TOR2A: variants seen among roughly 807,000 people sequenced by gnomAD.
TOR2A encodes torsin family 2 member A, also known as prosalusin.
TOR2A carries 24 observed loss-of-function variants against 28.6 expected under a neutral mutation model. The ratio of observed to expected loss-of-function variants is 0.84; its 90% CI spans 0.61 to 1.18. TOR2A has a LOEUF of 1.18. TOR2A is among the 50% of genes most tolerant of loss of function. TOR2A has a pLI of 0.00. For missense variants in TOR2A, 426 were observed against 448.1 expected (o/e 0.95, Z 0.45); for synonymous variants, 203 against 203.1 (o/e 1.00, Z 0.00).
In TOR2A at chr9:127,732,343, C is replaced by A. The variant is rs1844473923; in HGVS notation, c.722-65G>T. ...CAAGAGGGGAGAAGCCGGCCCCAAACCCCCAGGGGCAGGAGGAAAAATGCT... is the reference window on the plus strand; with the variant it reads ...CAAGAGGGGAGAAGCCGGCCCCAAAACCCCAGGGGCAGGAGGAAAAATGCT... On this transcript the variant is annotated intron_variant, in intron 4 of 4. Coordinates refer to ENST00000373284, the MANE Select transcript of TOR2A (RefSeq NM_001085347.3). 6 of 1,511,268 alleles carry A rather than the reference C, an allele frequency of 4.0e-6. No individual in the cohort carries two copies. The African/African-American group carries it at 8.4e-5, about 21-fold the overall frequency. 93.6% of individuals were successfully genotyped at this position (1,511,268 alleles called of 1,614,324 possible).
intron 1 of TOR2A, 97 bp from the exon 2 acceptor site, chr9:127,734,661 T>TA (rs1343269341): frequency 1.5e-6 from 2 of 1,333,396 alleles, no homozygotes; most frequent in Non-Finnish European, 1.9e-6. Flanking sequence ...CCTGTGTCCT[T>TA]ACGTTTGTCC....
At chr9:127,734,222 C>T in intron 2 of TOR2A, 77 bp downstream of exon 2, 2 of 1,489,108 alleles carry the variant, frequency 1.3e-6, no homozygotes, top group South Asian at 2.7e-5. Flanking sequence ...AGGTGACTCC[C>T]CTGTCTGGGC....
In TOR2A at chr9:127,734,574, CAGG is replaced by C; in HGVS notation, c.152-13_152-11del. 4.7e-6 allele frequency: 7 copies of C among 1,497,146 alleles called. No homozygotes were observed. The highest frequency in any genetic ancestry group is 6.2e-6 in the Non-Finnish European group (7 of 1,124,942). 92.7% of individuals were successfully genotyped at this position (1,497,146 alleles called of 1,614,324 possible). On this transcript the variant is annotated splice_polypyrimidine_tract_variant and intron_variant, in intron 1 of 4. Coordinates refer to ENST00000373284, the MANE Select transcript of TOR2A (RefSeq NM_001085347.3). ...AGGTCACACTCCAGACCTAGGGCCA[CAGG>C]AGGATGGTGAGGACACATCCCACCG...
intron 1 of TOR2A, 160 bp from the exon 2 acceptor site, chr9:127,734,724 C>G: frequency 1.1e-6 from 1 of 888,382 alleles, no homozygotes; most frequent in South Asian, 2.9e-5. Context: ...CGGAAAAGAG[C>G]CACCTTCGGG....
At chr9:127,734,797 C>A (rs1337248690) in intron 1 of TOR2A, 1 of 536,436 alleles carries the variant, frequency 1.9e-6, no homozygotes, top group Non-Finnish European at 3.0e-6. Context: ...GCTCTAAATG[C>A]GAGCTGTCAA....
At chr9:127,732,881 A>T in intron 3 of TOR2A, 190 bp from the exon 4 acceptor site, 1 of 1,424,946 alleles carries the variant, frequency 7.0e-7, no homozygotes, top group Non-Finnish European at 9.1e-7. Flanking sequence ...TCACCTACAC[A>T]TGCCACGTAC....
intron 1 of TOR2A, 106 bp downstream of exon 1, chr9:127,735,014 G>T (rs7867296): frequency 0.11 from 146,952 of 1,326,614 alleles, 9,826 homozygotes; most frequent in South Asian, 0.27. Context: ...CACCCTCTGG[G>T]TCCTCAGCTT....
In TOR2A at chr9:127,732,078, TGGA is replaced by T. The variant is rs1172943694; in HGVS notation, c.919_921del (p.Ser307del). 8.1e-6 allele frequency: 13 copies of T among 1,613,864 alleles called. No homozygotes were observed. Among genetic ancestry groups the T allele is most frequent in the Non-Finnish European group, 1.0e-5 (12 of 1,180,004 alleles). ...CGGGAGGCCACGGTCTTGCAGCCGT[TGGA>T]GGAGAAGAGCTGCTCGTCTTCAGGG... On this transcript the variant is annotated inframe_deletion, in exon 5 of 5. Transcript: ENST00000373284.
Position 127,731,591 on chromosome 9 carries a change from C to A in TOR2A, c.*443G>T. The A allele has an allele frequency of 7.5e-7, 1 of 1,328,118 alleles. No individual in the cohort carries two copies. The highest frequency in any genetic ancestry group is 9.9e-7 in the Non-Finnish European group (1 of 1,010,396). 82.3% of individuals were successfully genotyped at this position (1,328,118 alleles called of 1,614,324 possible). A position where few individuals can be genotyped will look rare whatever the true frequency, so the allele number is the denominator to read the frequency against. ...AAAATTAAAAACATCTAAAACCAGG[C>A]CCAAGTGGCAGCTTGAGTCCCTCCA... is the stretch of plus-strand genomic sequence containing the variant. On this transcript the variant is annotated 3_prime_UTR_variant, in exon 5 of 5. Transcript: ENST00000373284.
intron 4 of TOR2A, 65 bp downstream of exon 4, chr9:127,732,499 G>T: frequency 2.7e-6 from 4 of 1,503,040 alleles, no homozygotes; most frequent in East Asian, 2.3e-5. Flanking sequence ...ATGAGACCCC[G>T]GGAGAGCCTG....
Position 127,734,513 on chromosome 9 carries a change from G to A in TOR2A, c.203C>T (p.Ala68Val), listed in dbSNP as rs1435298008. 4 of 1,550,520 alleles carry A rather than the reference G, an allele frequency of 2.6e-6. No individual in the cohort carries two copies. Among genetic ancestry groups the A allele is most frequent in the Middle Eastern group, 2.0e-4 (1 of 4,956 alleles). The change falls in exon 2 of 5, where the codon GCG (alanine) becomes GTG (valine). Residue 68 changes from alanine (A) to valine (V), a missense_variant. Transcript: ENST00000373284. ...GGCCTTCAGCGCCTTCACCACCAGC[G>A]CCTTGGCCAGATGCTGGCCGGCCAG... ...QHLAGQHLAK[A>V]LVVKALKAFV...
chr9:127,734,942 C>G, intron 1 of TOR2A, 178 bp downstream of exon 1: 1 of 951,304 alleles, frequency 1.1e-6, no homozygotes, highest in Non-Finnish European at 1.4e-6. Flanking sequence ...GTTGGCAGGG[C>G]CTCCTGGACC....
At chr9:127,734,218 C>G (rs1266121232) in intron 2 of TOR2A, 81 bp downstream of exon 2, 6 of 1,482,708 alleles carry the variant, frequency 4.0e-6, no homozygotes, top group Non-Finnish European at 5.4e-6. Context: ...GAGCAGGTGA[C>G]TCCCCTGTCT....
At chr9:127,732,786 C>G (rs1331037062) in intron 3 of TOR2A, 95 bp from the exon 4 acceptor site, 6 of 1,497,104 alleles carry the variant, frequency 4.0e-6, no homozygotes. Context: ...GACATAGGAA[C>G]ATGGCTCAGT....
At chr9:127,733,338 C>T in intron 3 of TOR2A, 47 bp downstream of exon 3, 1 of 1,613,538 alleles carries the variant, frequency 6.2e-7, no homozygotes, top group Non-Finnish European at 8.5e-7. Flanking sequence ...AGCTGAACCT[C>T]TGAGAAGTGG....
chr9:127,733,605 C>G, intron 2 of TOR2A, 45 bp from the exon 3 acceptor site: 12 of 1,540,538 alleles, frequency 7.8e-6, no homozygotes, highest in Non-Finnish European at 1.0e-5. Context: ...GAGAAACTCC[C>G]CCAACACCAG....
Position 127,735,173 on chromosome 9 carries a change from A to G in TOR2A, c.98T>C (p.Leu33Pro), listed in dbSNP as rs376169059. The part of the protein sequence containing the change: ...AAAAAWDLAS[L>P]RCTLGAFCEC... ...GCAAAAGGCGCCCAAGGTGCAGCGC[A>G]GGGAAGCCAGGTCCCAGGCGGCGGC... is the stretch of plus-strand genomic sequence containing the variant. Residue 33 changes from leucine (L) to proline (P), a missense_variant, in exon 1 of 5, where the codon CTG (leucine) becomes CCG (proline). Coordinates refer to ENST00000373284, the MANE Select transcript of TOR2A (RefSeq NM_001085347.3). 1 of 1,486,000 alleles carries G rather than the reference A, an allele frequency of 6.7e-7. No homozygotes were observed. 92.1% of individuals were successfully genotyped at this position (1,486,000 alleles called of 1,614,324 possible).
chr9:127,734,533 G>T lies in TOR2A; in HGVS notation c.183C>A (p.Ala61=), dbSNP rs755864046. The stretch of plus-strand genomic sequence containing the variant: ...CCAGCGCCTTGGCCAGATGCTGGCC[G>T]GCCAGGTGCTGAGCCAGGTCACACT... ...GLECDLAQHL[A]GQHLAKALVV... Residue 61 remains alanine, a synonymous_variant, in exon 2 of 5, where the codon GCC becomes GCA. Coordinates refer to ENST00000373284, the MANE Select transcript of TOR2A (RefSeq NM_001085347.3). 1.3e-6 allele frequency: 2 copies of T among 1,531,724 alleles called. No individual in the cohort carries two copies. Among genetic ancestry groups the T allele is most frequent in the Non-Finnish European group, 1.8e-6 (2 of 1,139,198 alleles). 94.9% of individuals were successfully genotyped at this position (1,531,724 alleles called of 1,614,324 possible). A position where few individuals can be genotyped will look rare whatever the true frequency, so the allele number is the denominator to read the frequency against.
intron 1 of TOR2A, 100 bp from the exon 2 acceptor site, chr9:127,734,664 G>C: frequency 1.5e-6 from 2 of 1,317,272 alleles, no homozygotes; most frequent in Non-Finnish European, 2.0e-6. Flanking sequence ...GTGTCCTTAC[G>C]TTTGTCCAAG....
Sources: gnomAD v4.1 joint callset for allele counts on GRCh38, gnomAD v4.1.1 for gene constraint, MANE v1.5 for transcripts, NCBI Gene and HGNC (gene_info 2026-07-23, HGNC 2026-07-21) for gene names.